Variants in CATSPERD observed in about 807,000 individuals in gnomAD.
CATSPERD encodes cation channel sperm-associated auxiliary subunit delta.
A neutral mutation model predicts 98.1 loss-of-function variants in CATSPERD; 86 were observed. The ratio of observed to expected loss-of-function variants is 0.88; its 90% CI spans 0.74 to 1.05. The LOEUF (loss-of-function observed/expected upper bound fraction) is 1.05. Among genes scored for constraint, CATSPERD ranks in the 50% least tolerant of loss-of-function variants. CATSPERD has a pLI of 0.00. For missense variants in CATSPERD, 995 were observed against 1,005.7 expected (o/e 0.99, Z 0.14); for synonymous variants, 394 against 390.2 (o/e 1.01, Z -0.12).
In CATSPERD at chr19:5,733,909, A is replaced by G; in HGVS notation, c.330A>G (p.Leu110=). Residue 110 remains leucine, a synonymous_variant, in exon 5 of 22, where the codon TTA becomes TTG. Transcript: ENST00000381624. ...ATTTTGCTGGTTCGTTATTGCTGTTAGTAGTGGATCAAAAAGTCTATATTT... is the reference window on the plus strand; with the variant it reads ...ATTTTGCTGGTTCGTTATTGCTGTTGGTAGTGGATCAAAAAGTCTATATTT... The part of the protein sequence containing the change: ...SAHFAGSLLL[L]VVDQKVYIYD... 6.2e-7 allele frequency: 1 copy of G among 1,613,098 alleles called. No homozygotes were observed. The highest frequency in any genetic ancestry group is 1.1e-5 in the South Asian group (1 of 90,788).
At chr19:5,737,912 T>G (rs2055880790) in intron 6 of CATSPERD, among the ~76,000 whole-genome samples, 1 of 151,678 alleles carries the variant, frequency 6.6e-6, no homozygotes. Flanking sequence ...AGACTGGGTC[T>G]CAAGAACTTG....
intron 13 of CATSPERD, among the ~76,000 whole-genome samples, chr19:5,756,224 T>A (rs993726985): frequency 7.9e-5 from 12 of 151,240 alleles, no homozygotes; most frequent in Non-Finnish European, 1.5e-4. Flanking sequence ...GAGGTTGCAG[T>A]GAGCTGAGAC....
chr19:5,763,100 T>G, intron 15 of CATSPERD, 115 bp from the exon 16 acceptor site: 5 of 723,610 alleles, frequency 6.9e-6, no homozygotes, highest in Non-Finnish European at 1.2e-5. Context: ...GAAGGATGGA[T>G]GAGATGGATG....
intron 21 of CATSPERD, among the ~76,000 whole-genome samples, chr19:5,777,732 A>T (rs2056760673): frequency 6.6e-6 from 1 of 151,762 alleles, no homozygotes; most frequent in Admixed American, 6.6e-5. Flanking sequence ...AAAATTAGCC[A>T]GGTGTGATGG....
At chr19:5,768,068 C>A in intron 17 of CATSPERD, 100 bp from the exon 18 acceptor site, 1 of 1,034,664 alleles carries the variant, frequency 9.7e-7, no homozygotes, top group Non-Finnish European at 1.5e-6. Context: ...AAGTGCTGGG[C>A]CTGAGCCACC....
chr19:5,751,218 A>C (rs1419563196), intron 11 of CATSPERD, among the ~76,000 whole-genome samples: 1 of 9,892 alleles, frequency 1.0e-4, no homozygotes. Flanking sequence ...AAAAAAAAAA[A>C]AAAAAAAAAA....
intron 1 of CATSPERD, among the ~76,000 whole-genome samples, chr19:5,721,791 C>T (rs2055486179): frequency 6.6e-6 from 1 of 151,924 alleles, no homozygotes; most frequent in South Asian, 2.1e-4. Flanking sequence ...GAGTTCCAGA[C>T]CAGCCTGGCC....
chr19:5,753,299 G>A (rs1284369038), intron 12 of CATSPERD, among the ~76,000 whole-genome samples: 2 of 151,860 alleles, frequency 1.3e-5, no homozygotes, highest in East Asian at 1.9e-4. Flanking sequence ...GGTGGCTCAC[G>A]CCTGTAATCC....
chr19:5,740,127 C>CA, intron 7 of CATSPERD, among the ~76,000 whole-genome samples: 1 of 151,210 alleles, frequency 6.6e-6, no homozygotes, highest in Non-Finnish European at 1.5e-5. Context: ...ACTAAAAGTA[C>CA]AAAATGGGCT....
chr19:5,752,415 A>G (rs1035060758), intron 12 of CATSPERD, among the ~76,000 whole-genome samples: 1 of 152,138 alleles, frequency 6.6e-6, no homozygotes, highest in Non-Finnish European at 1.5e-5. Flanking sequence ...TCGAGGCTGC[A>G]GTGAGCTATG....
chr19:5,732,190 G>T (rs1264687483), intron 4 of CATSPERD, among the ~76,000 whole-genome samples: 1 of 151,678 alleles, frequency 6.6e-6, no homozygotes, highest in Non-Finnish European at 1.5e-5. Flanking sequence ...GGCCAGACTG[G>T]TCTCAAACTC....
chr19:5,726,894 G>T (rs576322366), intron 2 of CATSPERD, among the ~76,000 whole-genome samples: 1 of 151,498 alleles, frequency 6.6e-6, no homozygotes, highest in East Asian at 2.0e-4. Context: ...ATAATAGTGC[G>T]TATTAAAAAT....
chr19:5,726,210 C>T (rs1011717578), intron 2 of CATSPERD, among the ~76,000 whole-genome samples: 14 of 149,770 alleles, frequency 9.3e-5, no homozygotes, highest in African/African-American at 2.2e-4. Context: ...TACAGGCGTG[C>T]GCCACCACAC....
intron 9 of CATSPERD, 36 bp from the exon 10 acceptor site, chr19:5,748,124 C>T: frequency 1.9e-6 from 3 of 1,553,840 alleles, no homozygotes; most frequent in Non-Finnish European, 2.7e-6. Flanking sequence ...CCAGGATGTA[C>T]ACGGGGCCTC....
rs181724093 is a variant in CATSPERD at position 5,763,251 on chromosome 19, C to T, written c.1464C>T (p.Asp488=). The stretch of plus-strand genomic sequence containing the variant: ...CCACCATGTCTACCTTAACTGTGGA[C>T]ATAGCAAACAAGGAAATTTCATGTG... ...KKATMSTLTV[D]IANKEISCVD... The change falls in exon 16 of 22, where the codon GAC becomes GAT. Residue 488 remains aspartate, a synonymous_variant. Transcript: ENST00000381624. 6.8e-6 allele frequency: 11 copies of T among 1,614,060 alleles called. No homozygotes were observed. The East Asian group carries it at 2.2e-4, about 33-fold the overall frequency.
rs139826562 is a variant in CATSPERD, at chr19:5,723,018, C to T, written c.72-1790C>T. Reference sequence around the variant, plus strand: ...CCTGGCTAACACGGTGAAACCTCGTCTCTACCAAAAATACAAAAAATTAGT... The same window carrying T: ...CCTGGCTAACACGGTGAAACCTCGTTTCTACCAAAAATACAAAAAATTAGT... On this transcript the variant is annotated intron_variant, in intron 1 of 21. Transcript: ENST00000381624. 3.0e-3 allele frequency among the ~76,000 whole-genome samples: 455 copies of T among 151,630 alleles called. 4 individuals are homozygous for T. Among genetic ancestry groups the T allele is most frequent in the African/African-American group, 0.01 (422 of 41,422 alleles).
intron 8 of CATSPERD, 92 bp from the exon 9 acceptor site, chr19:5,745,821 C>A: frequency 7.5e-7 from 1 of 1,330,374 alleles, no homozygotes; most frequent in Non-Finnish European, 1.0e-6. Flanking sequence ...TTCCCCTGCA[C>A]CTGCTAGCCA....
intron 4 of CATSPERD, among the ~76,000 whole-genome samples, chr19:5,732,323 A>G (rs1189654279): frequency 6.6e-6 from 1 of 152,098 alleles, no homozygotes; most frequent in Non-Finnish European, 1.5e-5. Context: ...GAGGTATCTC[A>G]GGGCACCCAA....
At chr19:5,723,711 G>A (rs1309684864) in intron 1 of CATSPERD, among the ~76,000 whole-genome samples, 1 of 151,586 alleles carries the variant, frequency 6.6e-6, no homozygotes, top group Non-Finnish European at 1.5e-5. Context: ...TGATCCACCC[G>A]CCTCGGCCTC....
Sources: allele counts gnomAD v4.1 joint callset (sites outside exome capture counted in the v4.1 genomes callset), GRCh38; gene constraint gnomAD v4.1.1; transcripts MANE v1.5; gene names NCBI Gene and HGNC (gene_info 2026-07-23, HGNC 2026-07-21).